Variants in ZNF740 observed in about 807,000 individuals in gnomAD.
The protein encoded by ZNF740 is oriLyt TD-element-binding protein 7.
A neutral mutation model predicts 24.8 loss-of-function variants in ZNF740; 14 were observed. The observed-to-expected ratio is 0.56, with a 90% confidence interval of 0.37 to 0.88. The LOEUF is 0.88. Among genes scored for constraint, ZNF740 ranks in the 40% least tolerant of loss-of-function variants. ZNF740 has a pLI of 0.00. For missense variants in ZNF740, 201 were observed against 247.9 expected (o/e 0.81, Z 1.27); for synonymous variants, 69 against 84.0 (o/e 0.82, Z 0.98).
chr12:53,192,288 C>A lies in ZNF740; in HGVS notation c.*4698C>A. On this transcript the variant is annotated 3_prime_UTR_variant, in exon 7 of 7. Coordinates refer to ENST00000416904, the MANE Select transcript of ZNF740 (RefSeq NM_001004304.4). The stretch of plus-strand genomic sequence containing the variant: ...CTGCATCCCCAGAGTTGAGACCCTG[C>A]CCATCAAACTTCCAGGGTTTGTGGC... The A allele has an allele frequency of 6.3e-7, 1 of 1,582,516 alleles. No individual in the cohort carries two copies.
Position 53,193,717 on chromosome 12 carries a change from C to T in ZNF740, c.*6127C>T, listed in dbSNP as rs1488577123. The T allele has an allele frequency of 1.2e-6, 2 of 1,612,242 alleles. No individual in the cohort carries two copies. Among genetic ancestry groups the T allele is most frequent in the Non-Finnish European group, 1.7e-6 (2 of 1,179,036 alleles). The stretch of plus-strand genomic sequence containing the variant: ...AAGAGGAGGCCCTCACCTGCATACA[C>T]CACATTGTAGGTGTCCCTGGCCATC... On this transcript the variant is annotated 3_prime_UTR_variant, in exon 7 of 7. Coordinates refer to ENST00000416904, the MANE Select transcript of ZNF740 (RefSeq NM_001004304.4).
At chr12:53,186,270 C>G in intron 5 of ZNF740, 121 bp from the exon 6 acceptor site, 2 of 1,161,652 alleles carry the variant, frequency 1.7e-6, no homozygotes, top group Non-Finnish European at 2.4e-6. Context: ...GGGGACCTCT[C>G]CCCATTTATG....
rs1016688146 is a variant in ZNF740, at chr12:53,190,442, C to G, written c.*2852C>G. ...GCCAGTTCCGGGTAGGCTGCTGCAC[C>G]AGGCCCTACCAGCTCAGGCTATAAA... On this transcript the variant is annotated 3_prime_UTR_variant, in exon 7 of 7. Transcript: ENST00000416904. 4 of 152,734 alleles carry G rather than the reference C, an allele frequency of 2.6e-5. No individual in the cohort carries two copies. Among genetic ancestry groups the G allele is most frequent in the African/African-American group, 9.7e-5 (4 of 41,434 alleles). 9.5% of individuals were successfully genotyped at this position (152,734 alleles called of 1,614,324 possible).
rs1941940143 is a variant in ZNF740 at position 53,191,489 on chromosome 12, T to C, written c.*3899T>C. ...TACCAAGGTCTTACAGACCCACCCT[T>C]CCTCTCACCCTCCAGTTCCCACTGT... On this transcript the variant is annotated 3_prime_UTR_variant, in exon 7 of 7. Coordinates refer to ENST00000416904, the MANE Select transcript of ZNF740 (RefSeq NM_001004304.4). The C allele has an allele frequency of 1.6e-6, 2 of 1,286,460 alleles. No homozygotes were observed. Among genetic ancestry groups the C allele is most frequent in the African/African-American group, 1.5e-5 (1 of 68,456 alleles). 79.7% of individuals were successfully genotyped at this position (1,286,460 alleles called of 1,614,324 possible).
intron 4 of ZNF740, 112 bp from the exon 5 acceptor site, chr12:53,185,842 C>A: frequency 7.1e-7 from 1 of 1,407,700 alleles, no homozygotes. Context: ...CACCTTTAGA[C>A]AGCATCAGAG....
At position 53,192,479 on chromosome 12, in the gene ZNF740, G is replaced by C. The variant is rs770184874; in HGVS notation, c.*4889G>C. 1 of 1,614,192 alleles carries C rather than the reference G, an allele frequency of 6.2e-7. No individual in the cohort carries two copies. Among genetic ancestry groups the C allele is most frequent in the East Asian group, 2.2e-5 (1 of 44,884 alleles). On this transcript the variant is annotated 3_prime_UTR_variant, in exon 7 of 7. Coordinates refer to ENST00000416904, the MANE Select transcript of ZNF740 (RefSeq NM_001004304.4). Reference sequence around the variant, plus strand: ...CAGGGTCACATTGGTATGGGCACAAGCTGTACTGCAGTTGGTGGCCAGTGG... The same window carrying C: ...CAGGGTCACATTGGTATGGGCACAACCTGTACTGCAGTTGGTGGCCAGTGG...
chr12:53,183,287 T>A (rs969753553), intron 2 of ZNF740, among the ~76,000 whole-genome samples: 3 of 152,204 alleles, frequency 2.0e-5, no homozygotes, highest in African/African-American at 7.2e-5. Flanking sequence ...TGACAGGCAT[T>A]TTTCATGTAA....
At chr12:53,182,047 C>T in intron 2 of ZNF740, 55 bp downstream of exon 2, 1 of 1,589,920 alleles carries the variant, frequency 6.3e-7, no homozygotes, top group South Asian at 1.1e-5. Context: ...TTTGCAGTTT[C>T]ACTCTTGAAT....
At position 53,194,769 on chromosome 12, in the gene ZNF740, T is replaced by A. The variant is rs1942098090; in HGVS notation, c.*7179T>A. On this transcript the variant is annotated 3_prime_UTR_variant, in exon 7 of 7. Coordinates refer to ENST00000416904, the MANE Select transcript of ZNF740 (RefSeq NM_001004304.4). Reference sequence around the variant, plus strand: ...TAGGTTTAGGAGATGCTCCCTGTTATCAAGAAGCCTACAGCCTAGTTGCAG... The same window carrying A: ...TAGGTTTAGGAGATGCTCCCTGTTAACAAGAAGCCTACAGCCTAGTTGCAG... 1 of 176,358 alleles carries A rather than the reference T, an allele frequency of 5.7e-6. No individual in the cohort carries two copies. Among genetic ancestry groups the A allele is most frequent in the African/African-American group, 2.4e-5 (1 of 42,358 alleles). The allele number at this position is 176,358 out of a possible 1,614,324, so 10.9% of individuals were successfully genotyped here.
chr12:53,181,025 C>G, intron 1 of ZNF740, 188 bp downstream of exon 1: 1 of 863,226 alleles, frequency 1.2e-6, no homozygotes, highest in Non-Finnish European at 1.5e-6. Context: ...GCCCGCGCGT[C>G]CCGCCGCGTC....
In ZNF740 at chr12:53,191,758, T is replaced by A; in HGVS notation, c.*4168T>A. ...TGATGGAAGTTAGCAGAGGGGTTGG[T>A]TACATGTGCCAGGGGCTGGGGGAAC... On this transcript the variant is annotated 3_prime_UTR_variant, in exon 7 of 7. Coordinates refer to ENST00000416904, the MANE Select transcript of ZNF740 (RefSeq NM_001004304.4). 6.4e-7 allele frequency: 1 copy of A among 1,553,138 alleles called. No homozygotes were observed. Among genetic ancestry groups the A allele is most frequent in the South Asian group, 1.1e-5 (1 of 89,450 alleles).
At chr12:53,184,512 G>A (rs1941785352) in intron 2 of ZNF740, among the ~76,000 whole-genome samples, 1 of 152,136 alleles carries the variant, frequency 6.6e-6, no homozygotes, top group Admixed American at 6.5e-5. Flanking sequence ...AGGGAGGAAG[G>A]AGGAAGGTCC....
At chr12:53,180,867 C>A in intron 1 of ZNF740, 30 bp downstream of exon 1, 2 of 1,244,030 alleles carry the variant, frequency 1.6e-6, no homozygotes, top group Non-Finnish European at 2.1e-6. Context: ...ACCGCAGCGT[C>A]GTCCGTACAG....
chr12:53,192,180 G>A lies in ZNF740; in HGVS notation c.*4590G>A, dbSNP rs143184774. The stretch of plus-strand genomic sequence containing the variant: ...CCTCACCGCCCAGGGCCTTAGCCTC[G>A]TCCACTTGCTCAATTGCCTCTGCCT... On this transcript the variant is annotated 3_prime_UTR_variant, in exon 7 of 7. Transcript: ENST00000416904. The A allele has an allele frequency of 1.3e-5, 16 of 1,189,052 alleles. No individual in the cohort carries two copies. Among genetic ancestry groups the A allele is most frequent in the Middle Eastern group, 2.7e-4 (1 of 3,638 alleles). The allele number at this position is 1,189,052 out of a possible 1,614,324, so 73.7% of individuals were successfully genotyped here. A position where few individuals can be genotyped will look rare whatever the true frequency, so the allele number is the denominator to read the frequency against.
Position 53,185,001 on chromosome 12 carries a change from G to A in ZNF740, c.120G>A (p.Glu40=). ...CCAGCAAGCAGGCCGAGAATGGCGA[G>A]CGGGCAGGTAGCCCTGATGTGCTGA... The part of the protein sequence containing the change: ...QIASKQAENG[E]RAGSPDVLRC... Residue 40 remains glutamate, a synonymous_variant, in exon 3 of 7, where the codon GAG becomes GAA. Coordinates refer to ENST00000416904, the MANE Select transcript of ZNF740 (RefSeq NM_001004304.4). 4 of 1,614,036 alleles carry A rather than the reference G, an allele frequency of 2.5e-6. No individual in the cohort carries two copies. The South Asian group carries it at 3.3e-5, about 13-fold the overall frequency.
In ZNF740 at chr12:53,191,818, G is replaced by C; in HGVS notation, c.*4228G>C. ...GGAATCAGGGCTGGTCTTGTGGTGG[G>C]GGAACAGCTAAAAAGGGGCCTAACC... On this transcript the variant is annotated 3_prime_UTR_variant, in exon 7 of 7. Transcript: ENST00000416904. 6.2e-7 allele frequency: 1 copy of C among 1,611,672 alleles called. No homozygotes were observed. The highest frequency in any genetic ancestry group is 8.5e-7 in the Non-Finnish European group (1 of 1,178,466).
At position 53,180,753 on chromosome 12, in the gene ZNF740, C is replaced by A. The variant is rs777434979; in HGVS notation, c.-392C>A. ...TTGCCTCGGTCCCGGTGGGGGCAGC[C>A]GCGGCGGTGGGGTTGGCAGGGTGTG... On this transcript the variant is annotated 5_prime_UTR_variant, in exon 1 of 7. Transcript: ENST00000416904. The A allele has an allele frequency of 7.9e-7, 1 of 1,266,154 alleles. No individual in the cohort carries two copies. Among genetic ancestry groups the A allele is most frequent in the South Asian group, 1.3e-5 (1 of 78,536 alleles). The allele number at this position is 1,266,154 out of a possible 1,614,324, so 78.4% of individuals were successfully genotyped here.
Position 53,191,282 on chromosome 12 carries a change from T to TGC in ZNF740, c.*3693_*3694dup, listed in dbSNP as rs1328667791. 1 of 457,018 alleles carries TGC rather than the reference T, an allele frequency of 2.2e-6. No homozygotes were observed. The allele number at this position is 457,018 out of a possible 1,614,324, so 28.3% of individuals were successfully genotyped here. On this transcript the variant is annotated 3_prime_UTR_variant, in exon 7 of 7. Transcript: ENST00000416904. Reference sequence around the variant, plus strand: ...CCCGAGGCCCAGGCTATAAACAGTCTGCTTTGGCCTTGATGAGGTAAAGCA... The same window carrying TGC: ...CCCGAGGCCCAGGCTATAAACAGTCTGCGCTTTGGCCTTGATGAGGTAAAGCA...
In ZNF740 at chr12:53,181,722, A is replaced by C; in HGVS notation, c.-262A>C. 6.0e-6 allele frequency: 3 copies of C among 496,666 alleles called. No individual in the cohort carries two copies. The highest frequency in any genetic ancestry group is 1.0e-5 in the Non-Finnish European group (3 of 297,792). The allele number at this position is 496,666 out of a possible 1,614,324, so 30.8% of individuals were successfully genotyped here. On this transcript the variant is annotated 5_prime_UTR_variant, in exon 2 of 7. Coordinates refer to ENST00000416904, the MANE Select transcript of ZNF740 (RefSeq NM_001004304.4). The stretch of plus-strand genomic sequence containing the variant: ...GCTTCATCAAGAGAATTCAACTGGA[A>C]AACCAAGACTGGTAGACTCTCTTTT...
Sources: allele counts gnomAD v4.1 joint callset (sites outside exome capture counted in the v4.1 genomes callset), GRCh38; gene constraint gnomAD v4.1.1; transcripts MANE v1.5; gene names NCBI Gene and HGNC (gene_info 2026-07-23, HGNC 2026-07-21).